Variants in UBE2S observed in about 807,000 individuals in gnomAD.
UBE2S encodes ubiquitin conjugating enzyme E2 S.
UBE2S carries 3 observed loss-of-function variants against 12.3 expected under a neutral mutation model. That is an observed-to-expected ratio of 0.24 (90% CI 0.11 to 0.63). The LOEUF (loss-of-function observed/expected upper bound fraction) is 0.63, where lower values mean the gene tolerates loss of function less well. Among genes scored for constraint, UBE2S ranks in the 30% least tolerant of loss-of-function variants. The probability of loss-of-function intolerance (pLI) is 0.85; values close to 1 mark genes in which losing one functional copy is unlikely to be tolerated. For missense variants in UBE2S, 211 were observed against 313.9 expected (o/e 0.67, Z 2.48); for synonymous variants, 133 against 142.0 (o/e 0.94, Z 0.45).
chr19:55,401,242 C>T lies in UBE2S; in HGVS notation c.*194G>A, dbSNP rs987533491. 2 of 678,510 alleles carry T rather than the reference C, an allele frequency of 2.9e-6. No individual in the cohort carries two copies. Among genetic ancestry groups the T allele is most frequent in the Non-Finnish European group, 4.9e-6 (2 of 409,968 alleles). The allele number at this position is 678,510 out of a possible 1,614,324, so 42.0% of individuals were successfully genotyped here. On this transcript the variant is annotated 3_prime_UTR_variant, in exon 4 of 4. Transcript: ENST00000264552. ...GAGCCAAACTCCCAGAGCCACATGG[C>T]ACCATGCAGCGGTCCTGGGGCATCT...
Position 55,404,484 on chromosome 19 carries a change from G to A in UBE2S, c.152-6C>T, listed in dbSNP as rs376748059. 8.8e-6 allele frequency: 14 copies of A among 1,599,866 alleles called. No homozygotes were observed. The African/African-American group carries it at 1.3e-4, about 15-fold the overall frequency. ...TCCAGCATATGGGGTCCCCTCTGGA[G>A]TGGAGGGAGGGGTACAGGGTCAGGG... On this transcript the variant is annotated splice_region_variant and splice_polypyrimidine_tract_variant and intron_variant, in intron 2 of 3. Transcript: ENST00000264552. This position sits in a 1 kb window ranked among gnomAD's most constrained non-coding sequence, Gnocchi z 4.4.
chr19:55,407,582 C>A lies in UBE2S; in HGVS notation c.3+5G>T. On this transcript the variant is annotated splice_donor_5th_base_variant and intron_variant, in intron 1 of 3. Coordinates refer to ENST00000264552, the MANE Select transcript of UBE2S (RefSeq NM_014501.3). Reference sequence around the variant, plus strand: ...ACCTTCATGGGCCTCATCGCCCGTGCTCACCATGGCTGCGGCCGGCCGGGG... The same window carrying A: ...ACCTTCATGGGCCTCATCGCCCGTGATCACCATGGCTGCGGCCGGCCGGGG... 6.8e-7 allele frequency: 1 copy of A among 1,467,822 alleles called. No homozygotes were observed. The highest frequency in any genetic ancestry group is 1.3e-5 in the South Asian group (1 of 74,132). 90.9% of individuals were successfully genotyped at this position (1,467,822 alleles called of 1,614,324 possible). A position where few individuals can be genotyped will look rare whatever the true frequency, so the allele number is the denominator to read the frequency against.
rs2123313729 is a variant in UBE2S, at chr19:55,404,547, C to T, written c.152-69G>A. The T allele has an allele frequency of 1.4e-6, 2 of 1,398,112 alleles. No homozygotes were observed. The highest frequency in any genetic ancestry group is 2.4e-5 in the Admixed American group (1 of 42,094). 86.6% of individuals were successfully genotyped at this position (1,398,112 alleles called of 1,614,324 possible). A position where few individuals can be genotyped will look rare whatever the true frequency, so the allele number is the denominator to read the frequency against. Reference sequence around the variant, plus strand: ...CCAAGGCACCTCAACACCCCAAAGTCCAGTCTCCACGGTCTGATTGTGATG... The same window carrying T: ...CCAAGGCACCTCAACACCCCAAAGTTCAGTCTCCACGGTCTGATTGTGATG... On this transcript the variant is annotated intron_variant, in intron 2 of 3. Transcript: ENST00000264552. The surrounding 1 kb of genome is among the most constrained non-coding windows in gnomAD (Gnocchi z 4.4).
At chr19:55,407,549 C>T in intron 1 of UBE2S, 38 bp downstream of exon 1, 1 of 1,523,482 alleles carries the variant, frequency 6.6e-7, no homozygotes, top group Middle Eastern at 1.7e-4. Context: ...TCAGGGACAC[C>T]CCCGACCACC....
chr19:55,402,773 G>GGC (rs1233549937), intron 3 of UBE2S, among the ~76,000 whole-genome samples: 1 of 152,148 alleles, frequency 6.6e-6, no homozygotes, highest in Non-Finnish European at 1.5e-5. Flanking sequence ...AGCCTCCAAT[G>GGC]ACACCCCAGG....
At position 55,400,533 on chromosome 19, in the gene UBE2S, A is replaced by C. The variant is rs2090049480; in HGVS notation, c.*903T>G. 6.6e-6 allele frequency: 1 copy of C among 152,184 alleles called. No homozygotes were observed. The highest frequency in any genetic ancestry group is 2.1e-4 in the South Asian group (1 of 4,832). 9.4% of individuals were successfully genotyped at this position (152,184 alleles called of 1,614,324 possible). ...CTGACCTAATCCGGTGAGCACCTCA[A>C]AGGGAATGGGCCCTTAAATCAGACC... On this transcript the variant is annotated 3_prime_UTR_variant, in exon 4 of 4. Transcript: ENST00000264552.
chr19:55,403,196 GA>G, intron 3 of UBE2S: 1 of 653,970 alleles, frequency 1.5e-6, no homozygotes, highest in East Asian at 2.7e-5. Context: ...CTCTGGCTGA[GA>G]AACACTGGTT....
intron 3 of UBE2S, chr19:55,402,846 C>A: frequency 9.8e-7 from 1 of 1,018,590 alleles, no homozygotes; most frequent in Non-Finnish European, 1.4e-6. Flanking sequence ...GAGCTCAATC[C>A]TCTCCCTCCC....
chr19:55,406,613 T>C (rs1264098367), intron 2 of UBE2S, among the ~76,000 whole-genome samples: 1 of 152,174 alleles, frequency 6.6e-6, no homozygotes, highest in Non-Finnish European at 1.5e-5. Flanking sequence ...CATGATATAC[T>C]AACTCAATGA....
chr19:55,403,702 G>A lies in UBE2S; in HGVS notation c.342+586C>T, dbSNP rs114288481. On this transcript the variant is annotated intron_variant, in intron 3 of 3. Coordinates refer to ENST00000264552, the MANE Select transcript of UBE2S (RefSeq NM_014501.3). ...GTTCAGGAGTTTGACACCAGCCTGG[G>A]CAACAAATGAGACCCCATTCCTGTT... is the stretch of plus-strand genomic sequence containing the variant. Among the ~76,000 whole-genome samples, 1,377 of 151,788 alleles carry A rather than the reference G, an allele frequency of 9.1e-3. 14 individuals carry two copies. The highest frequency in any genetic ancestry group is 0.031 in the African/African-American group (1,280 of 41,350).
In UBE2S at chr19:55,407,230, G is replaced by C. The variant is rs1030540770; in HGVS notation, c.4-268C>G. ...CAAAGCCCGCTCCTAACCCTGCTTG[G>C]TCCCCAGTGGTTCCACGTAGGCCAG... On this transcript the variant is annotated intron_variant, in intron 1 of 3. Transcript: ENST00000264552. Among the ~76,000 whole-genome samples, 3 of 134,352 alleles carry C rather than the reference G, an allele frequency of 2.2e-5. No individual in the cohort carries two copies. The Admixed American group carries it at 2.6e-4, about 12-fold the overall frequency. 88.1% of individuals were successfully genotyped at this position (134,352 alleles called of 152,430 possible).
intron 3 of UBE2S, chr19:55,402,999 A>G (rs1002083717): frequency 2.0e-6 from 3 of 1,533,886 alleles, no homozygotes; most frequent in African/African-American, 2.7e-5. Context: ...ACCAGCCTAG[A>G]CCAGGACGCC....
intron 1 of UBE2S, among the ~76,000 whole-genome samples, chr19:55,407,339 G>C (rs1393936620): frequency 6.6e-6 from 1 of 152,246 alleles, no homozygotes; most frequent in African/African-American, 2.4e-5. Context: ...TGGCGGCGGG[G>C]CGTCCTTGCT....
intron 3 of UBE2S, chr19:55,403,144 G>C: frequency 1.3e-6 from 1 of 744,440 alleles, no homozygotes; most frequent in Non-Finnish European, 2.4e-6. Context: ...ACCCTTTCTG[G>C]TCTCCTGACA....
chr19:55,405,804 C>T (rs1226052067), intron 2 of UBE2S, among the ~76,000 whole-genome samples: 1 of 152,192 alleles, frequency 6.6e-6, no homozygotes, highest in African/African-American at 2.4e-5. Context: ...GAACGCCTCT[C>T]CCACTCACCC....
At chr19:55,406,135 A>G (rs775106243) in intron 2 of UBE2S, among the ~76,000 whole-genome samples, 7 of 152,154 alleles carry the variant, frequency 4.6e-5, no homozygotes, top group Non-Finnish European at 8.8e-5. Context: ...CACCTGCCCA[A>G]GGGCCTTTCT....
chr19:55,406,053 C>T (rs1334023416), intron 2 of UBE2S, among the ~76,000 whole-genome samples: 1 of 152,212 alleles, frequency 6.6e-6, no homozygotes, highest in African/African-American at 2.4e-5. Context: ...TTGAAGAGGC[C>T]TAGAAGCCCT....
rs2090085100 is a variant in UBE2S at position 55,404,680 on chromosome 19, C to T, written c.152-202G>A. 6.6e-6 allele frequency among the ~76,000 whole-genome samples: 1 copy of T among 152,186 alleles called. No homozygotes were observed. The highest frequency in any genetic ancestry group is 2.1e-4 in the South Asian group (1 of 4,832). The stretch of plus-strand genomic sequence containing the variant: ...AGGCTGGAGTGCAGTGGCACAATCT[C>T]AGTTCACTGCCGCCTGCAATTCCTG... On this transcript the variant is annotated intron_variant, in intron 2 of 3. Transcript: ENST00000264552. This position sits in a 1 kb window ranked among gnomAD's most constrained non-coding sequence, Gnocchi z 4.4.
intron 3 of UBE2S, chr19:55,402,947 C>G (rs1051601585): frequency 1.3e-6 from 2 of 1,520,674 alleles, no homozygotes; most frequent in Admixed American, 4.2e-5. Context: ...TTTCAGCTTG[C>G]GGGAAGGGTT....
Sources: gnomAD v4.1 joint callset for allele counts (sites outside exome capture counted in the v4.1 genomes callset) on GRCh38, gnomAD v4.1.1 for gene constraint, Gnocchi (gnomAD v3.1) non-coding constraint, MANE v1.5 for transcripts, NCBI Gene and HGNC (gene_info 2026-07-23, HGNC 2026-07-21) for gene names.